The following COL12A1 variants were observed in gnomAD, a reference collection of about 807,000 sequenced individuals.
COL12A1 encodes collagen type XII alpha 1 chain.
COL12A1 carries 114 observed loss-of-function variants against 349.7 expected under a neutral mutation model. The ratio of observed to expected loss-of-function variants is 0.33; its 90% CI spans 0.28 to 0.38. COL12A1 has a LOEUF of 0.38. COL12A1 is among the 10% of genes least tolerant of loss of function. COL12A1 has a pLI of 1.00. For missense variants in COL12A1, 3,284 were observed against 3,756.9 expected, an observed-to-expected ratio of 0.87 and a Z score of 3.29; for synonymous variants, 1,369 against 1,329.0, an observed-to-expected ratio of 1.03 and a Z score of -0.66.
In COL12A1 at chr6:75,152,375, T is replaced by C; in HGVS notation, c.3673A>G (p.Ile1225Val). Residue 1225 changes from isoleucine (I) to valine (V), a missense_variant, in exon 18 of 66, where the codon ATT becomes GTT. Physicochemically the swap from Ile to Val is conservative, Grantham distance 29 (BLOSUM62 3). This residue lies in a region of COL12A1 where 2,601 missense variants were observed against 2,824.8 expected (regional missense o/e 0.92). Transcript: ENST00000322507. ...GGGCCAATGTCAAAGACTTCCACAA[T>C]ACGAGAAATGAAACTCCTCACGGTT... is the stretch of plus-strand genomic sequence containing the variant. ...FRTVRSFISR[I>V]VEVFDIGPKR... The C allele has an allele frequency of 6.2e-7, 1 of 1,613,604 alleles. No homozygotes were observed. The highest frequency in any genetic ancestry group is 8.5e-7 in the Non-Finnish European group (1 of 1,179,716).
At position 75,119,372 on chromosome 6, in the gene COL12A1, G is replaced by A. The variant is rs1769244094; in HGVS notation, c.7188C>T (p.Tyr2396=). 1 of 1,613,612 alleles carries A rather than the reference G, an allele frequency of 6.2e-7. No homozygotes were observed. Among genetic ancestry groups the A allele is most frequent in the Non-Finnish European group, 8.5e-7 (1 of 1,179,888 alleles). The change falls in exon 45 of 66, where the codon TAC becomes TAT. Residue 2396 remains tyrosine (Y), a synonymous_variant. Transcript: ENST00000322507. ...TACCTGTTCTTGTGTTTCCTCCTCT[G>A]TACCTAATATTCTGGAGGGCCCCAA... ...LALGALQNIR[Y]RGGNTRTGKA...
intron 14 of COL12A1, among the ~76,000 whole-genome samples, chr6:75,160,677 C>T (rs1767985510): frequency 6.6e-6 from 1 of 152,298 alleles, no homozygotes; most frequent in Admixed American, 6.5e-5. Flanking sequence ...TCCTCACATG[C>T]TCAAGTTCCT....
At chr6:75,122,932 G>A (rs569149559) in intron 43 of COL12A1, among the ~76,000 whole-genome samples, 8 of 152,344 alleles carry the variant, frequency 5.3e-5, no homozygotes, top group South Asian at 4.1e-4. Context: ...GAACTTCTCA[G>A]GTTGGACACC....
At chr6:75,137,063 G>T (rs1331453314) in intron 31 of COL12A1, among the ~76,000 whole-genome samples, 1 of 152,170 alleles carries the variant, frequency 6.6e-6, no homozygotes, top group Non-Finnish European at 1.5e-5. Context: ...GGTAAGTTTA[G>T]CAAACTTTCA....
chr6:75,172,649 C>T (rs1309758992), intron 13 of COL12A1, among the ~76,000 whole-genome samples: 2 of 152,152 alleles, frequency 1.3e-5, no homozygotes, highest in African/African-American at 2.4e-5. Flanking sequence ...CTGGATGTTG[C>T]CCCAGATTGT....
intron 24 of COL12A1, among the ~76,000 whole-genome samples, 156 bp from the exon 25 acceptor site, chr6:75,145,611 C>CTTTTTTTTTTTTTTTTTTTTTGTTT (rs56698330): frequency 8.3e-6 from 1 of 121,190 alleles, no homozygotes; most frequent in African/African-American, 3.1e-5. Flanking sequence ...CTGATGTTTT[C>CTTTTTTTTTTTTTTTTTTTTTGTTT]TTTTTTTTTT....
intron 14 of COL12A1, among the ~76,000 whole-genome samples, chr6:75,164,350 T>C (rs886352876): frequency 6.6e-6 from 1 of 152,162 alleles, no homozygotes; most frequent in African/African-American, 2.4e-5. Context: ...TAACTGAAAT[T>C]GCTCATGGCA....
chr6:75,104,962 A>C (rs898731439), intron 54 of COL12A1, among the ~76,000 whole-genome samples: 1 of 152,204 alleles, frequency 6.6e-6, no homozygotes, highest in Non-Finnish European at 1.5e-5. Flanking sequence ...TCTCCTAAAG[A>C]CTAGCCAATA....
chr6:75,183,826 A>T, intron 9 of COL12A1, 28 bp downstream of exon 9: 1 of 1,607,956 alleles, frequency 6.2e-7, no homozygotes, highest in Non-Finnish European at 8.5e-7. Context: ...CACATATTCC[A>T]AATACAATGA....
intron 29 of COL12A1, 51 bp downstream of exon 29, chr6:75,138,397 T>TA: frequency 6.2e-7 from 1 of 1,606,996 alleles, no homozygotes; most frequent in Non-Finnish European, 8.5e-7. Context: ...CCCTATTTTT[T>TA]AAAAATTAAC....
At chr6:75,095,305 T>A in intron 59 of COL12A1, 126 bp from the exon 60 acceptor site, 1 of 707,316 alleles carries the variant, frequency 1.4e-6, no homozygotes, top group Non-Finnish European at 2.3e-6. Context: ...TCAGGAAAAA[T>A]AAAACCAAAT....
chr6:75,194,917 A>C lies in COL12A1; in HGVS notation c.104T>G (p.Ile35Ser). 6.2e-7 allele frequency: 1 copy of C among 1,607,804 alleles called. No individual in the cohort carries two copies. The highest frequency in any genetic ancestry group is 8.5e-7 in the Non-Finnish European group (1 of 1,177,114). Residue 35 changes from isoleucine to serine, a missense_variant, in exon 3 of 66, where the codon ATT becomes AGT. By Grantham distance (142) the Ile-to-Ser change is moderately radical (BLOSUM62 -2). Transcript: ENST00000322507. ...CATATGAACAGTATTTTCATCTATA[A>C]TTTTAAAATTCAAGTCTGAAGGTGG... ...VDPPSDLNFK[I>S]IDENTVHMSW...
At chr6:75,088,503 A>AAGGG (rs200811808) in intron 64 of COL12A1, among the ~76,000 whole-genome samples, 2,202 of 151,622 alleles carry the variant, frequency 0.015, 47 homozygotes, top group African/African-American at 0.05. Context: ...AAGGAAGGAA[A>AAGGG]AGGGAAGGAA....
At chr6:75,121,594 T>A (rs1765734698) in intron 43 of COL12A1, among the ~76,000 whole-genome samples, 153 bp from the exon 44 acceptor site, 2 of 152,250 alleles carry the variant, frequency 1.3e-5, no homozygotes, top group African/African-American at 2.4e-5. Flanking sequence ...AAATGCAGAA[T>A]CTTGGGTCCT....
At chr6:75,201,499 T>A (rs562824909) in intron 2 of COL12A1, among the ~76,000 whole-genome samples, 1 of 152,218 alleles carries the variant, frequency 6.6e-6, no homozygotes, top group South Asian at 2.1e-4. Context: ...AACCTTGGCA[T>A]AATCATGCAA....
At chr6:75,190,133 C>T (rs1261749827) in intron 5 of COL12A1, among the ~76,000 whole-genome samples, 4 of 151,916 alleles carry the variant, frequency 2.6e-5, no homozygotes, top group African/African-American at 9.7e-5. Context: ...TGCTATCAAC[C>T]TATCCATTTT....
At chr6:75,148,225 A>G (rs1767299495) in intron 22 of COL12A1, 133 bp downstream of exon 22, 1 of 756,154 alleles carries the variant, frequency 1.3e-6, no homozygotes, top group Non-Finnish European at 2.0e-6. Flanking sequence ...AAGAATAGAA[A>G]GCACTATTCT....
chr6:75,128,859 G>T (rs575524606), intron 37 of COL12A1, among the ~76,000 whole-genome samples: 1 of 152,250 alleles, frequency 6.6e-6, no homozygotes, highest in African/African-American at 2.4e-5. Flanking sequence ...TTAGCTACTG[G>T]GAATCCACTG....
In COL12A1 at chr6:75,143,317, G is replaced by A; in HGVS notation, c.4762C>T (p.Pro1588Ser). The change falls in exon 26 of 66, where the codon CCT (proline) becomes TCT (serine). Residue 1588 changes from proline to serine, a missense_variant. Transcript: ENST00000322507. Reference protein sequence around the residue: ...THSTMNVFWEPVPGKVRKYIV... With the variant: ...THSTMNVFWESVPGKVRKYIV... The stretch of plus-strand genomic sequence containing the variant: ...TATTTACGCACTTTTCCAGGCACAG[G>A]TTCCCAAAAGACATTCATAGTGCTG... 1 of 1,613,826 alleles carries A rather than the reference G, an allele frequency of 6.2e-7. No individual in the cohort carries two copies. The highest frequency in any genetic ancestry group is 8.5e-7 in the Non-Finnish European group (1 of 1,179,914).
Sources: allele counts gnomAD v4.1 joint callset (sites outside exome capture counted in the v4.1 genomes callset), GRCh38; gene constraint gnomAD v4.1.1; regional missense constraint gnomAD v4.1.1; transcripts MANE v1.5; gene names NCBI Gene and HGNC (gene_info 2026-07-23, HGNC 2026-07-21).